MRRF: variants seen among roughly 807,000 people sequenced by gnomAD.
MRRF encodes the protein mitochondrial ribosome recycling factor, also known as ribosome-recycling factor, mitochondrial.
In MRRF, 18 loss-of-function variants were observed where a neutral mutation model predicts 25.1. That is an observed-to-expected ratio of 0.72 (90% CI 0.50 to 1.06). MRRF has a LOEUF of 1.06. Among genes scored for constraint, MRRF ranks in the 50% least tolerant of loss-of-function variants. The probability of loss-of-function intolerance (pLI) is 0.00; values close to 1 mark genes in which losing one functional copy is unlikely to be tolerated. For missense variants in MRRF, 323 were observed against 319.3 expected (o/e 1.01, Z -0.09); for synonymous variants, 113 against 112.1 (o/e 1.01, Z -0.05).
At position 122,330,044 on chromosome 9, in the gene MRRF, G is replaced by A. The variant is rs768077126; in HGVS notation, c.*7427G>A. 1.3e-5 allele frequency: 2 copies of A among 152,274 alleles called. No homozygotes were observed. Among genetic ancestry groups the A allele is most frequent in the Non-Finnish European group, 2.9e-5 (2 of 68,100 alleles). The allele number at this position is 152,274 out of a possible 1,614,324, so 9.4% of individuals were successfully genotyped here. On this transcript the variant is annotated 3_prime_UTR_variant, in exon 7 of 7. Coordinates refer to ENST00000344641, the MANE Select transcript of MRRF (RefSeq NM_138777.5). This position sits in a 1 kb window ranked among gnomAD's most constrained non-coding sequence, Gnocchi z 4.2. ...CTCATCTGCTAAGTCGGCCTCAGGC[G>A]TTTCTAGACATCTTAAGGGACCGCA...
intron 4 of MRRF, chr9:122,285,899 G>A (rs1045834056): frequency 1.5e-6 from 2 of 1,295,478 alleles, no homozygotes; most frequent in Non-Finnish European, 2.0e-6. Context: ...ATACTAGACT[G>A]ACCATTGCAG....
chr9:122,322,440 T>C (rs1835945491), intron 6 of MRRF, 100 bp from the exon 7 acceptor site: 1 of 1,044,490 alleles, frequency 9.6e-7, no homozygotes, highest in Non-Finnish European at 1.5e-6. Flanking sequence ...TTTGTCACTA[T>C]TATTATTTCT....
intron 6 of MRRF, among the ~76,000 whole-genome samples, chr9:122,314,653 G>T (rs896194987): frequency 2.0e-5 from 3 of 152,124 alleles, no homozygotes; most frequent in Non-Finnish European, 4.4e-5. Context: ...ACACTTAAAA[G>T]ATTTTTTTTA....
At chr9:122,291,536 T>C (rs1472738119) in intron 4 of MRRF, among the ~76,000 whole-genome samples, 1 of 152,214 alleles carries the variant, frequency 6.6e-6, no homozygotes, top group African/African-American at 2.4e-5. Context: ...TCTTTCTTTT[T>C]TTCCTCCTGC....
intron 1 of MRRF, among the ~76,000 whole-genome samples, chr9:122,270,498 T>C (rs1832381976): frequency 6.6e-6 from 1 of 152,266 alleles, no homozygotes; most frequent in South Asian, 2.1e-4. Context: ...CTTCCCTCTT[T>C]AAACTTTATC....
At chr9:122,286,396 G>A (rs1192802494) in intron 4 of MRRF, among the ~76,000 whole-genome samples, 2 of 152,182 alleles carry the variant, frequency 1.3e-5, no homozygotes, top group Admixed American at 6.5e-5. Context: ...ACTATAACCA[G>A]AATGAGTTTT....
chr9:122,322,451 C>G (rs763700295), intron 6 of MRRF, 89 bp from the exon 7 acceptor site: 18 of 1,170,852 alleles, frequency 1.5e-5, no homozygotes, highest in Non-Finnish European at 2.3e-5. Context: ...TATTATTTCT[C>G]ACATAACCTT....
Position 122,331,253 on chromosome 9 carries a change from T to C in MRRF, c.*8636T>C, listed in dbSNP as rs1836274536. ...AATGTAGCAAATGTTTTTATAAAAG[T>C]GTTAATTTAAATTAACGGACTATTA... On this transcript the variant is annotated 3_prime_UTR_variant, in exon 7 of 7. Coordinates refer to ENST00000344641, the MANE Select transcript of MRRF (RefSeq NM_138777.5). 1 of 152,250 alleles carries C rather than the reference T, an allele frequency of 6.6e-6. No homozygotes were observed. Among genetic ancestry groups the C allele is most frequent in the South Asian group, 2.1e-4 (1 of 4,834 alleles). The allele number at this position is 152,250 out of a possible 1,614,324, so 9.4% of individuals were successfully genotyped here. A position where few individuals can be genotyped will look rare whatever the true frequency, so the allele number is the denominator to read the frequency against.
chr9:122,302,769 C>CTGGGTT (rs1834556282), intron 5 of MRRF, among the ~76,000 whole-genome samples: 1 of 152,116 alleles, frequency 6.6e-6, no homozygotes, highest in Non-Finnish European at 1.5e-5. Context: ...ATGGTAACTC[C>CTGGGTT]ATGTTTAACT....
intron 1 of MRRF, among the ~76,000 whole-genome samples, chr9:122,268,539 T>C (rs1452081189): frequency 6.6e-6 from 1 of 152,256 alleles, no homozygotes; most frequent in Non-Finnish European, 1.5e-5. Flanking sequence ...TCTGCTAAAA[T>C]AGAGCTTGGC....
At chr9:122,266,943 G>A (rs146700279) in intron 1 of MRRF, among the ~76,000 whole-genome samples, 5,204 of 152,064 alleles carry the variant, frequency 0.034, 315 homozygotes, top group African/African-American at 0.12. Flanking sequence ...GGTGGCGCAC[G>A]CCTGTAATCC....
chr9:122,284,455 T>C (rs1475993118), intron 3 of MRRF, among the ~76,000 whole-genome samples: 1 of 152,234 alleles, frequency 6.6e-6, no homozygotes, highest in African/African-American at 2.4e-5. Flanking sequence ...GTCCTCACTC[T>C]AATCCTCTAA....
intron 5 of MRRF, 39 bp from the exon 6 acceptor site, chr9:122,313,188 A>G (rs1466131314): frequency 5.0e-6 from 8 of 1,602,594 alleles, no homozygotes; most frequent in African/African-American, 1.3e-5. Context: ...CAGTTAATGT[A>G]TAGAATGATT....
intron 5 of MRRF, among the ~76,000 whole-genome samples, chr9:122,303,675 C>T (rs961776444): frequency 6.6e-6 from 1 of 152,138 alleles, no homozygotes; most frequent in Non-Finnish European, 1.5e-5. Flanking sequence ...TCGCATTGTT[C>T]TTTTGGCTGC....
Position 122,271,392 on chromosome 9 carries a change from T to C in MRRF, c.184+317T>C, listed in dbSNP as rs369270454. On this transcript the variant is annotated intron_variant, in intron 2 of 6. Transcript: ENST00000344641. Reference sequence around the variant, plus strand: ...CCAGAATGCTTGTAGCAGGGATCAATATATTGTCTCCTTATAGGAAGATGC... The same window carrying C: ...CCAGAATGCTTGTAGCAGGGATCAACATATTGTCTCCTTATAGGAAGATGC... Among the ~76,000 whole-genome samples the C allele has an allele frequency of 5.3e-5, 8 of 152,358 alleles. No homozygotes were observed. The South Asian group carries it at 6.2e-4, about 12-fold the overall frequency.
chr9:122,292,216 G>C (rs922635876), intron 5 of MRRF, among the ~76,000 whole-genome samples: 1 of 152,188 alleles, frequency 6.6e-6, no homozygotes, highest in Non-Finnish European at 1.5e-5. Flanking sequence ...TGTAGCCTGA[G>C]AAGACTCTTT....
intron 4 of MRRF, among the ~76,000 whole-genome samples, chr9:122,290,501 C>T (rs1158423728): frequency 6.6e-6 from 1 of 152,162 alleles, no homozygotes; most frequent in Non-Finnish European, 1.5e-5. Context: ...CTTATAGTAA[C>T]ACCTCAGGTA....
At chr9:122,282,597 G>A (rs1833148198) in intron 3 of MRRF, among the ~76,000 whole-genome samples, 1 of 152,210 alleles carries the variant, frequency 6.6e-6, no homozygotes, top group African/African-American at 2.4e-5. Context: ...AAGTTACTCT[G>A]TATGCCTCAG....
intron 5 of MRRF, among the ~76,000 whole-genome samples, chr9:122,308,690 C>T (rs1285848840): frequency 1.5e-5 from 2 of 132,312 alleles, no homozygotes; most frequent in Non-Finnish European, 3.1e-5. Flanking sequence ...CAGAGCAAGA[C>T]TCCATCTCCA....
Sources: gnomAD v4.1 joint callset for allele counts (sites outside exome capture counted in the v4.1 genomes callset) on GRCh38, gnomAD v4.1.1 for gene constraint, Gnocchi (gnomAD v3.1) non-coding constraint, MANE v1.5 for transcripts, NCBI Gene and HGNC (gene_info 2026-07-23, HGNC 2026-07-21) for gene names.